SEC31A: variants seen among roughly 807,000 people sequenced by gnomAD.
SEC31A encodes the protein protein transport protein Sec31A.
Under a neutral mutation model 151.0 loss-of-function variants are expected in SEC31A, and 70 were observed. That is an observed-to-expected ratio of 0.46 (90% CI 0.38 to 0.57). SEC31A has a LOEUF of 0.57. Ranked by LOEUF, SEC31A falls within the 20% of genes least tolerant of loss-of-function variation. SEC31A has a pLI of 0.00. For synonymous variants in SEC31A, 475 were observed against 505.9 expected (o/e 0.94, Z 0.82); for missense variants, 1,330 against 1,471.2 (o/e 0.90, Z 1.57).
At chr4:82,872,906 T>G (rs999606378) in intron 6 of SEC31A, among the ~76,000 whole-genome samples, 1 of 152,124 alleles carries the variant, frequency 6.6e-6, no homozygotes, top group East Asian at 1.9e-4. Context: ...GGTTTCACCA[T>G]GTTGCCCAGG....
At chr4:82,857,939 C>T in intron 14 of SEC31A, 175 bp from the exon 15 acceptor site, 1 of 479,844 alleles carries the variant, frequency 2.1e-6, no homozygotes, top group Admixed American at 3.6e-5. Flanking sequence ...CTAAATATTA[C>T]CTCCCATTAT....
intron 20 of SEC31A, chr4:82,845,070 T>A: frequency 1.7e-6 from 1 of 590,832 alleles, no homozygotes. Flanking sequence ...CCTAAAAGCA[T>A]TAAAATGCAA....
intron 24 of SEC31A, 102 bp downstream of exon 24, chr4:82,827,266 AG>A (rs1724822273): frequency 7.7e-7 from 1 of 1,292,244 alleles, no homozygotes; most frequent in Admixed American, 2.2e-5. Context: ...TAGGTTGTCT[AG>A]ATGTTTAATA....
chr4:82,869,935 T>C (rs1034470821), intron 8 of SEC31A, among the ~76,000 whole-genome samples: 20 of 152,314 alleles, frequency 1.3e-4, no homozygotes, highest in African/African-American at 4.6e-4. Context: ...TCTACTGATT[T>C]CCAGAAGTGA....
chr4:82,880,808 G>T lies in SEC31A; in HGVS notation c.194C>A (p.Ser65Tyr). The T allele has an allele frequency of 3.7e-6, 6 of 1,611,176 alleles. No individual in the cohort carries two copies. The highest frequency in any genetic ancestry group is 5.1e-6 in the Non-Finnish European group (6 of 1,178,568). Residue 65 changes from serine (S) to tyrosine (Y), a missense_variant, in exon 3 of 27, where the codon TCT becomes TAT. Coordinates refer to ENST00000395310, the MANE Select transcript of SEC31A (RefSeq NM_001077207.4). The part of the protein sequence containing the change: ...LDMKSCATFS[S>Y]SHRYHKLIWG... The stretch of plus-strand genomic sequence containing the variant: ...AAGCTGAACCTCATACCTGTGAGAA[G>T]AGGAGAATGTGGCACAAGATTTCAT...
Position 82,874,065 on chromosome 4 carries a change from C to T in SEC31A, c.639+546G>A, listed in dbSNP as rs545864574. 9.9e-5 allele frequency among the ~76,000 whole-genome samples: 15 copies of T among 151,990 alleles called. No homozygotes were observed. The East Asian group carries it at 1.2e-3, about 12-fold the overall frequency. On this transcript the variant is annotated intron_variant, in intron 6 of 26. Coordinates refer to ENST00000395310, the MANE Select transcript of SEC31A (RefSeq NM_001077207.4). ...CTGTAATCCCAGCACTTTGGGAGGC[C>T]GAGGCAGGCAGATCACGAGGTCAGG...
intron 3 of SEC31A, among the ~76,000 whole-genome samples, chr4:82,899,224 A>G (rs1026581734): frequency 6.6e-6 from 1 of 152,202 alleles, no homozygotes; most frequent in African/African-American, 2.4e-5. Context: ...AGGTGCTGCT[A>G]GTAAGAATGA....
chr4:82,843,005 C>G (rs772652761), intron 21 of SEC31A, among the ~76,000 whole-genome samples: 6 of 152,128 alleles, frequency 3.9e-5, no homozygotes, highest in Non-Finnish European at 7.3e-5. Context: ...TCCAGATTAA[C>G]GGCTAACTCT....
rs78520220 is a variant in SEC31A, at chr4:82,884,920, G to T, written c.-4-2980C>A. Among the ~76,000 whole-genome samples, 72 of 152,164 alleles carry T rather than the reference G, an allele frequency of 4.7e-4. 1 individual carries two copies. In the East Asian group the frequency reaches 8.1e-3, roughly 17 times the overall value. The stretch of plus-strand genomic sequence containing the variant: ...GAAACAGTGAATTAAGTCTCTTACT[G>T]CTAATATATTTATGTCAATTTCTCA... On this transcript the variant is annotated intron_variant, in intron 1 of 26. Transcript: ENST00000395310.
In SEC31A at chr4:82,886,183, T is replaced by C. The variant is rs544771694; in HGVS notation, c.-4-4243A>G. On this transcript the variant is annotated intron_variant, in intron 1 of 26. Coordinates refer to ENST00000395310, the MANE Select transcript of SEC31A (RefSeq NM_001077207.4). ...ATAACAAAGCAACCAGCATGCATGA[T>C]GAAACTGAAGAAATGCATTTTAGAA... Among the ~76,000 whole-genome samples the C allele has an allele frequency of 6.6e-5, 10 of 152,322 alleles. No individual in the cohort carries two copies. The East Asian group carries it at 1.2e-3, about 18-fold the overall frequency.
intron 1 of SEC31A, among the ~76,000 whole-genome samples, chr4:82,887,356 A>G (rs1578406211): frequency 1.3e-5 from 2 of 152,154 alleles, no homozygotes; most frequent in East Asian, 3.8e-4. Context: ...TTTATTTCTT[A>G]GCCTTAGTAC....
At chr4:82,845,287 T>C in intron 20 of SEC31A, 1 of 1,511,744 alleles carries the variant, frequency 6.6e-7, no homozygotes, top group Non-Finnish European at 8.8e-7. Context: ...GTAGGGGCAA[T>C]TCTAACCTGA....
chr4:82,838,870 G>A (rs1197532151), intron 22 of SEC31A, among the ~76,000 whole-genome samples: 1 of 152,126 alleles, frequency 6.6e-6, no homozygotes, highest in East Asian at 1.9e-4. Context: ...CTAATAGAAG[G>A]CTTGAAAGTC....
chr4:82,861,838 G>T, intron 13 of SEC31A, 130 bp from the exon 14 acceptor site: 1 of 304,218 alleles, frequency 3.3e-6, no homozygotes. Flanking sequence ...GCAACAGTGA[G>T]TAAATTTATT....
intron 23 of SEC31A, 146 bp from the exon 24 acceptor site, chr4:82,827,778 T>C: frequency 1.3e-6 from 1 of 767,040 alleles, no homozygotes; most frequent in Non-Finnish European, 2.1e-6. Flanking sequence ...AATGAAATTT[T>C]ATGCAGAATA....
intron 22 of SEC31A, among the ~76,000 whole-genome samples, chr4:82,839,045 T>G (rs1388225796): frequency 6.6e-6 from 1 of 152,236 alleles, no homozygotes. Flanking sequence ...TGGCACGATC[T>G]CAGCTCACTG....
At chr4:82,892,130 A>G (rs1719836000), upstream of SEC31A, among the ~76,000 whole-genome samples, 1 of 152,234 alleles carries the variant, frequency 6.6e-6, no homozygotes, top group Admixed American at 6.5e-5. Context: ...CTTAACATCA[A>G]TTCACGCCAA....
chr4:82,857,755 C>G lies in SEC31A; in HGVS notation c.1636G>C (p.Glu546Gln). Residue 546 changes from glutamate to glutamine, a missense_variant, in exon 15 of 27, where the codon GAG becomes CAG. Glu to Gln is a conservative substitution (Grantham distance 29, BLOSUM62 2). Transcript: ENST00000395310. ...EEQLLGEHIK[E>Q]EKEESEFLPS... Reference sequence around the variant, plus strand: ...AGAAATTCAGATTCTTCTTTTTCCTCTTTAATGTGCTAAAGAGATGAAAAA... The same window carrying G: ...AGAAATTCAGATTCTTCTTTTTCCTGTTTAATGTGCTAAAGAGATGAAAAA... 1.3e-6 allele frequency: 2 copies of G among 1,594,804 alleles called. No individual in the cohort carries two copies. The highest frequency in any genetic ancestry group is 1.7e-6 in the Non-Finnish European group (2 of 1,163,258).
At chr4:82,888,905 G>A (rs1741595728) in intron 1 of SEC31A, among the ~76,000 whole-genome samples, 1 of 152,112 alleles carries the variant, frequency 6.6e-6, no homozygotes. Context: ...GCTATATACA[G>A]AGCTGATCCA....
Sources: allele counts gnomAD v4.1 joint callset (sites outside exome capture counted in the v4.1 genomes callset), GRCh38; gene constraint gnomAD v4.1.1; transcripts MANE v1.5; gene names NCBI Gene and HGNC (gene_info 2026-07-23, HGNC 2026-07-21).